Variants in VWA5B1 observed in about 807,000 individuals in gnomAD.
VWA5B1 encodes the protein von Willebrand factor A domain containing 5B1.
VWA5B1 carries 115 observed loss-of-function variants against 118.2 expected under a neutral mutation model. The observed-to-expected ratio is 0.97, with a 90% CI of 0.84 to 1.14. The LOEUF is 1.14. VWA5B1 is among the 50% of genes most tolerant of loss of function. VWA5B1 has a pLI of 0.00. For missense variants in VWA5B1, 1,596 were observed against 1,603.8 expected (o/e 1.00, Z 0.08); for synonymous variants, 682 against 658.4 (o/e 1.04, Z -0.55).
At chr1:20,348,407 C>G in intron 18 of VWA5B1, 49 bp downstream of exon 18, 1 of 1,539,880 alleles carries the variant, frequency 6.5e-7, no homozygotes. Context: ...TTTCGGAAGC[C>G]TGGGCCCCTG....
At chr1:20,325,390 C>T (rs909131333) in intron 8 of VWA5B1, among the ~76,000 whole-genome samples, 3 of 152,144 alleles carry the variant, frequency 2.0e-5, no homozygotes, top group African/African-American at 7.2e-5. Flanking sequence ...AGAGAAGGAT[C>T]AATTCAGGCA....
rs777881011 is a variant in VWA5B1, at chr1:20,345,417, T to A, written c.2627-39T>A. On this transcript the variant is annotated intron_variant, in intron 16 of 21. Coordinates refer to ENST00000289815, the MANE Select transcript of VWA5B1 (RefSeq NM_001039500.3). The stretch of plus-strand genomic sequence containing the variant: ...AAAGCTTGTGTGTCAGGGAAGACTT[T>A]CTGAGTCCAAACAGTGACCCCAGTT... 7.7e-6 allele frequency: 12 copies of A among 1,550,232 alleles called. No homozygotes were observed. The South Asian group carries it at 1.4e-4, about 18-fold the overall frequency.
chr1:20,350,446 A>G (rs1054491897), intron 19 of VWA5B1, among the ~76,000 whole-genome samples: 10 of 152,322 alleles, frequency 6.6e-5, no homozygotes, highest in African/African-American at 1.9e-4. Context: ...TACTCTGGTG[A>G]CAGAGCTGGG....
chr1:20,320,538 C>T (rs1283539176), intron 7 of VWA5B1, among the ~76,000 whole-genome samples: 1 of 152,236 alleles, frequency 6.6e-6, no homozygotes, highest in African/African-American at 2.4e-5. Flanking sequence ...TGCCTATGGG[C>T]CAGTGGGGCC....
At position 20,343,209 on chromosome 1, in the gene VWA5B1, C is replaced by T. The variant is rs1308615248; in HGVS notation, c.2442C>T (p.Val814=). Reference sequence around the variant, plus strand: ...CCCCGGTGCTGGGCAAGGCCCTGGTCAAAGGCCTGCACGACAGCCAACGCC... The same window carrying T: ...CCCCGGTGCTGGGCAAGGCCCTGGTTAAAGGCCTGCACGACAGCCAACGCC... ...TPAPVLGKAL[V]KGLHDSQRLQ... The change falls in exon 16 of 22, where the codon GTC becomes GTT. Residue 814 remains valine (V), a synonymous_variant. Transcript: ENST00000289815. 6.5e-7 allele frequency: 1 copy of T among 1,549,734 alleles called. No homozygotes were observed. The highest frequency in any genetic ancestry group is 8.7e-7 in the Non-Finnish European group (1 of 1,146,788).
chr1:20,312,765 G>T, intron 2 of VWA5B1, 71 bp from the exon 3 acceptor site: 1 of 1,457,846 alleles, frequency 6.9e-7, no homozygotes, highest in Non-Finnish European at 9.1e-7. Flanking sequence ...CAAGGGTTCA[G>T]GTTCCTTCCA....
chr1:20,335,626 G>A (rs1341041161), intron 12 of VWA5B1, among the ~76,000 whole-genome samples: 4 of 152,098 alleles, frequency 2.6e-5, no homozygotes, highest in African/African-American at 9.7e-5. Context: ...ATATTTTGTG[G>A]GTCATATGTA....
chr1:20,309,481 A>G (rs112952525), intron 1 of VWA5B1, among the ~76,000 whole-genome samples: 8,080 of 152,318 alleles, frequency 0.053, 274 homozygotes, highest in Admixed American at 0.086. Flanking sequence ...CAGGCAGAGC[A>G]GCAAGCACAG....
At position 20,351,578 on chromosome 1, in the gene VWA5B1, G is replaced by A. The variant is rs567736195; in HGVS notation, c.3024-477G>A. ...GAGGCAGGAGAATCACTTGGACCCG[G>A]GAGGCAGAGGTTGCAGTGAACCGAG... On this transcript the variant is annotated intron_variant, in intron 20 of 21. Coordinates refer to ENST00000289815, the MANE Select transcript of VWA5B1 (RefSeq NM_001039500.3). Among the ~76,000 whole-genome samples the A allele has an allele frequency of 2.0e-5, 3 of 152,164 alleles. No individual in the cohort carries two copies. In the East Asian group the frequency reaches 5.8e-4, roughly 29 times the overall value.
At chr1:20,291,487 G>GTC (rs3067731) in intron 1 of VWA5B1, among the ~76,000 whole-genome samples, 103,737 of 150,458 alleles carry the variant, frequency 0.69, 37,259 homozygotes, top group East Asian at 0.99. Flanking sequence ...CTCTGTGTGA[G>GTC]TCTGCGTCTC....
Position 20,345,496 on chromosome 1 carries a change from CA to C in VWA5B1, c.2669del (p.Lys890ArgfsTer17), listed in dbSNP as rs1557445129. On this transcript the variant is annotated frameshift_variant, in exon 17 of 22. Coordinates refer to ENST00000289815, the MANE Select transcript of VWA5B1 (RefSeq NM_001039500.3). LOFTEE classifies it high-confidence loss of function. Reference sequence around the variant, plus strand: ...ACCAAGTGAGCGCCTTGCACACCAGCAAGGCCTGCAACATCATTAGCAAATA... The same window carrying C: ...ACCAAGTGAGCGCCTTGCACACCAGCAGGCCTGCAACATCATTAGCAAATA... ...RYQVSALHTS[K>X]ACNIISKYTA... 6.4e-7 allele frequency: 1 copy of C among 1,551,114 alleles called. No individual in the cohort carries two copies. Among genetic ancestry groups the C allele is most frequent in the African/African-American group, 1.4e-5 (1 of 73,040 alleles).
intron 1 of VWA5B1, among the ~76,000 whole-genome samples, chr1:20,308,302 C>T (rs983247673): frequency 2.0e-5 from 3 of 152,182 alleles, no homozygotes; most frequent in Admixed American, 6.5e-5. Flanking sequence ...ATCTAAGCCC[C>T]GCTCCCTGGG....
chr1:20,323,728 A>G (rs1431337872), intron 8 of VWA5B1, among the ~76,000 whole-genome samples, 196 bp downstream of exon 8: 1 of 152,220 alleles, frequency 6.6e-6, no homozygotes, highest in Non-Finnish European at 1.5e-5. Context: ...GCTGGCATCC[A>G]TTTATAAGGG....
chr1:20,348,253 CTGCGTATGCT>C lies in VWA5B1; in HGVS notation c.2776_2785del (p.Arg926AlafsTer70), dbSNP rs1233826264. 6.4e-7 allele frequency: 1 copy of C among 1,551,668 alleles called. No individual in the cohort carries two copies. Among genetic ancestry groups the C allele is most frequent in the Admixed American group, 2.0e-5 (1 of 51,012 alleles). The stretch of plus-strand genomic sequence containing the variant: ...CCTTGTCTTCCGCGAAGGAGCTGCC[CTGCGTATGCT>C]TGGCTCTCGGGCCCTGGCCCAACAG... On this transcript the variant is annotated frameshift_variant, in exon 18 of 22. Coordinates refer to ENST00000289815, the MANE Select transcript of VWA5B1 (RefSeq NM_001039500.3). LOFTEE classifies it high-confidence loss of function.
chr1:20,343,495 A>T, intron 16 of VWA5B1, 102 bp downstream of exon 16: 1 of 1,332,650 alleles, frequency 7.5e-7, no homozygotes. Flanking sequence ...TGATCCTCTC[A>T]GCCCCGCGTG....
At position 20,350,811 on chromosome 1, in the gene VWA5B1, C is replaced by T. The variant is rs763076335; in HGVS notation, c.2954-46C>T. On this transcript the variant is annotated intron_variant, in intron 19 of 21. Coordinates refer to ENST00000289815, the MANE Select transcript of VWA5B1 (RefSeq NM_001039500.3). Reference sequence around the variant, plus strand: ...CCCAGTTGGTCAGTGAGCAGTTGGACGGGGTCATCTTCAGGTCTCAACTTG... The same window carrying T: ...CCCAGTTGGTCAGTGAGCAGTTGGATGGGGTCATCTTCAGGTCTCAACTTG... 12 of 1,533,280 alleles carry T rather than the reference C, an allele frequency of 7.8e-6. No individual in the cohort carries two copies. The East Asian group carries it at 2.2e-4, about 28-fold the overall frequency. 95.0% of individuals were successfully genotyped at this position (1,533,280 alleles called of 1,614,324 possible). A position where few individuals can be genotyped will look rare whatever the true frequency, so the allele number is the denominator to read the frequency against.
At chr1:20,302,438 C>A (rs2088526755) in intron 1 of VWA5B1, among the ~76,000 whole-genome samples, 1 of 152,184 alleles carries the variant, frequency 6.6e-6, no homozygotes, top group Admixed American at 6.5e-5. Context: ...ACATGCCATC[C>A]ATTCATTGTT....
At chr1:20,304,777 T>A (rs2088599510) in intron 1 of VWA5B1, among the ~76,000 whole-genome samples, 1 of 152,160 alleles carries the variant, frequency 6.6e-6, no homozygotes, top group African/African-American at 2.4e-5. Context: ...TGTACCCTCA[T>A]GTTTAAGCAC....
At chr1:20,314,637 C>G (rs1445550308) in intron 4 of VWA5B1, 45 bp downstream of exon 4, 3 of 1,538,536 alleles carry the variant, frequency 1.9e-6, no homozygotes, top group Non-Finnish European at 2.6e-6. Flanking sequence ...AGGTGGGCAG[C>G]AGAGAGTGCG....
Sources: gnomAD v4.1 joint callset for allele counts (sites outside exome capture counted in the v4.1 genomes callset) on GRCh38, gnomAD v4.1.1 for gene constraint, MANE v1.5 for transcripts, NCBI Gene and HGNC (gene_info 2026-07-23, HGNC 2026-07-21) for gene names.